The following ARID1B variants were observed in gnomAD, a reference collection of about 807,000 sequenced individuals.
The protein encoded by ARID1B is AT-rich interactive domain-containing protein 1B.
In ARID1B, 30 loss-of-function variants were observed where a neutral mutation model predicts 212.3. The ratio of observed to expected loss-of-function variants is 0.14; its 90% CI spans 0.11 to 0.19. The LOEUF is 0.19. ARID1B is among the 10% of genes least tolerant of loss of function. The probability of loss-of-function intolerance (pLI) is 1.00; values close to 1 mark genes in which losing one functional copy is unlikely to be tolerated. For synonymous variants in ARID1B, 1,402 were observed against 1,301.7 expected (o/e 1.08, Z -1.66); for missense variants, 2,891 against 3,204.0 (o/e 0.90, Z 2.36).
intron 1 of ARID1B, 122 bp downstream of exon 1, chr6:156,779,593 C>T (rs954294716): frequency 9.4e-7 from 1 of 1,063,892 alleles, no homozygotes; most frequent in Non-Finnish European, 1.2e-6. Context: ...GGGCGCGGCG[C>T]CCAAAGCCAT....
At chr6:156,899,950 CAT>C (rs930365513) in intron 2 of ARID1B, among the ~76,000 whole-genome samples, 2 of 152,166 alleles carry the variant, frequency 1.3e-5, no homozygotes, top group Non-Finnish European at 1.5e-5. Flanking sequence ...TCAAATCAAA[CAT>C]ATGGGTGTTG....
chr6:157,039,763 TCCTACCTA>T (rs558978406), intron 4 of ARID1B, among the ~76,000 whole-genome samples: 1 of 109,216 alleles, frequency 9.2e-6, no homozygotes, highest in Admixed American at 9.4e-5. Context: ...CTTCCTACCT[TCCTACCTA>T]CCTACCTTCC....
chr6:156,909,117 C>CTT (rs1789651647), intron 3 of ARID1B, among the ~76,000 whole-genome samples: 1 of 134,562 alleles, frequency 7.4e-6, no homozygotes, highest in African/African-American at 2.9e-5. Flanking sequence ...TTTCTTTTTT[C>CTT]TTTCTCTTTT....
At chr6:157,105,253 T>C (rs1333945465) in intron 5 of ARID1B, among the ~76,000 whole-genome samples, 1 of 152,166 alleles carries the variant, frequency 6.6e-6, no homozygotes, top group East Asian at 1.9e-4. Context: ...AACCTTGGTG[T>C]AGAGAGAATA....
intron 15 of ARID1B, among the ~76,000 whole-genome samples, chr6:157,192,013 A>G (rs2128343870): frequency 6.6e-6 from 1 of 152,360 alleles, no homozygotes; most frequent in South Asian, 2.1e-4. Context: ...TATTTCATGT[A>G]CAACATTTCA....
At chr6:157,183,731 C>T (rs1197486875) in intron 12 of ARID1B, among the ~76,000 whole-genome samples, 3 of 152,260 alleles carry the variant, frequency 2.0e-5, no homozygotes, top group Admixed American at 6.5e-5. Context: ...AGTTGGGGGC[C>T]GTTGGTCCAG....
chr6:156,800,511 C>T (rs955067760), intron 1 of ARID1B, among the ~76,000 whole-genome samples: 2 of 151,980 alleles, frequency 1.3e-5, no homozygotes, highest in African/African-American at 4.8e-5. Context: ...ACCTCTTGAA[C>T]CCTGGAGGTG....
At position 157,196,253 on chromosome 6, in the gene ARID1B, A is replaced by T. The variant is rs766772916; in HGVS notation, c.4320A>T (p.Ala1440=). Residue 1440 remains alanine, a synonymous_variant, in exon 16 of 20, where the codon GCA becomes GCT. Coordinates refer to ENST00000636930, the MANE Select transcript of ARID1B (RefSeq NM_001374828.1). ...TGTACAACCAAAGTCCCTCCGGAGC[A>T]ATGTCTAACCTGGGCATGGGGCAGC... The part of the protein sequence containing the change: ...QDMYNQSPSG[A]MSNLGMGQRQ... The T allele has an allele frequency of 6.2e-7, 1 of 1,613,242 alleles. No individual in the cohort carries two copies. The highest frequency in any genetic ancestry group is 8.5e-7 in the Non-Finnish European group (1 of 1,179,768).
intron 2 of ARID1B, among the ~76,000 whole-genome samples, chr6:156,836,514 C>T (rs947528512): frequency 2.6e-5 from 4 of 152,132 alleles, no homozygotes; most frequent in African/African-American, 7.2e-5. Context: ...TGAGTCCTTG[C>T]CTGTTAAAGT....
chr6:157,114,274 A>C (rs533557707), intron 6 of ARID1B, among the ~76,000 whole-genome samples: 48 of 152,244 alleles, frequency 3.2e-4, no homozygotes, highest in African/African-American at 1.0e-3. Context: ...CTGTAATCCC[A>C]GTATTTGGGA....
intron 8 of ARID1B, among the ~76,000 whole-genome samples, chr6:157,162,859 C>A (rs142271819): frequency 6.6e-6 from 1 of 152,056 alleles, no homozygotes; most frequent in Admixed American, 6.5e-5. Context: ...TGTCTCCTTA[C>A]CCCCCTGAGA....
At chr6:157,047,968 TG>T (rs1782350769) in intron 4 of ARID1B, among the ~76,000 whole-genome samples, 1 of 152,226 alleles carries the variant, frequency 6.6e-6, no homozygotes, top group Non-Finnish European at 1.5e-5. Flanking sequence ...CTTGAGATTT[TG>T]TTGGGAAGAA....
chr6:157,101,422 T>C (rs1786040411), intron 5 of ARID1B, among the ~76,000 whole-genome samples: 2 of 152,168 alleles, frequency 1.3e-5, no homozygotes, highest in Non-Finnish European at 2.9e-5. Flanking sequence ...AATAGGTCTG[T>C]CTTACCCTTG....
intron 4 of ARID1B, among the ~76,000 whole-genome samples, chr6:157,040,262 C>T (rs1467790203): frequency 6.6e-6 from 1 of 152,192 alleles, no homozygotes; most frequent in Admixed American, 6.5e-5. Context: ...TCATAAAGGT[C>T]TAGGTATTCA....
At chr6:157,077,877 A>T (rs780707985) in intron 4 of ARID1B, among the ~76,000 whole-genome samples, 6 of 152,078 alleles carry the variant, frequency 3.9e-5, no homozygotes, top group Non-Finnish European at 7.4e-5. Flanking sequence ...CAAAACTTAG[A>T]TAGGGCTTGC....
At position 157,189,757 on chromosome 6, in the gene ARID1B, G is replaced by T. The variant is rs748391706; in HGVS notation, c.4035G>T (p.Gln1345His). 4 of 1,613,798 alleles carry T rather than the reference G, an allele frequency of 2.5e-6. No individual in the cohort carries two copies. The highest frequency in any genetic ancestry group is 3.4e-6 in the Non-Finnish European group (4 of 1,179,986). Residue 1345 changes from glutamine (Q) to histidine (H), a missense_variant, in exon 14 of 20, where the codon CAG becomes CAT. Transcript: ENST00000636930. ...CCCCAGCCTCCACCCCTCACGGCCA[G>T]ATGACTCCAATGCAAGGTGGAAGGT... ...PPTPASTPHG[Q>H]MTPMQGGRSS...
chr6:157,204,249 TG>T (rs1451914528), intron 19 of ARID1B: 1 of 351,164 alleles, frequency 2.8e-6, no homozygotes, highest in African/African-American at 2.1e-5. Context: ...TATGTGTATA[TG>T]GGATAGATGA....
intron 11 of ARID1B, among the ~76,000 whole-genome samples, chr6:157,177,314 A>G (rs1583456886): frequency 6.6e-6 from 1 of 152,262 alleles, no homozygotes; most frequent in East Asian, 1.9e-4. Context: ...AAAGGGGAGC[A>G]AAAGAGAGTA....
Position 157,100,359 on chromosome 6 carries a change from CA to C in ARID1B, c.2492-10112del, listed in dbSNP as rs1785975602. On this transcript the variant is annotated intron_variant, in intron 5 of 19. Transcript: ENST00000636930. ...GAAGTGTTATAAGTTCACACCCACGCACTTCAGATAAACTGTTAACCGGAAC... is the reference window on the plus strand; with the variant it reads ...GAAGTGTTATAAGTTCACACCCACGCCTTCAGATAAACTGTTAACCGGAAC... 2.6e-5 allele frequency among the ~76,000 whole-genome samples: 4 copies of C among 152,180 alleles called. No individual in the cohort carries two copies. In the South Asian group the frequency reaches 8.3e-4, roughly 31 times the overall value.
Sources: allele counts gnomAD v4.1 joint callset (sites outside exome capture counted in the v4.1 genomes callset), GRCh38; gene constraint gnomAD v4.1.1; transcripts MANE v1.5; gene names NCBI Gene and HGNC (gene_info 2026-07-23, HGNC 2026-07-21).